CIZ1: variants seen among roughly 807,000 people sequenced by gnomAD.
CIZ1 encodes the protein cip1-interacting zinc finger protein.
CIZ1 carries 58 observed loss-of-function variants against 118.6 expected under a neutral mutation model. That is an observed-to-expected ratio of 0.49 (90% CI 0.40 to 0.61). The LOEUF (loss-of-function observed/expected upper bound fraction) is 0.61. Among genes scored for constraint, CIZ1 ranks in the 20% least tolerant of loss-of-function variants. The pLI, the probability that CIZ1 is intolerant of heterozygous loss-of-function variation, is 0.00. For missense variants in CIZ1, 921 were observed against 1,115.9 expected, an observed-to-expected ratio of 0.83 and a Z score of 2.49; for synonymous variants, 448 against 443.4, an observed-to-expected ratio of 1.01 and a Z score of -0.13.
chr9:128,190,548 G>T, intron 2 of CIZ1, 104 bp from the exon 3 acceptor site: 1 of 1,361,226 alleles, frequency 7.3e-7, no homozygotes, highest in South Asian at 1.3e-5. Flanking sequence ...GTGGTAGACA[G>T]AGGACCCCTT....
In CIZ1 at chr9:128,203,530, C is replaced by T. The variant is rs1833616874; in HGVS notation, c.-6+656G>A. 1.9e-6 allele frequency: 3 copies of T among 1,544,452 alleles called. No individual in the cohort carries two copies. Among genetic ancestry groups the T allele is most frequent in the Admixed American group, 3.9e-5 (2 of 51,416 alleles). ...TGGTCAACCGGCTGCAAGACGCCTT[C>T]TCTGCCATCGGCCAGAACGCGGACC... is the stretch of plus-strand genomic sequence containing the variant. On this transcript the variant is annotated intron_variant, in intron 1 of 17. Coordinates refer to the CIZ1 transcript ENST00000372948. This position sits in a 1 kb window ranked among gnomAD's most constrained non-coding sequence, Gnocchi z 5.3.
At chr9:128,189,311 G>A (rs1832837426) in intron 3 of CIZ1, among the ~76,000 whole-genome samples, 1 of 152,166 alleles carries the variant, frequency 6.6e-6, no homozygotes, top group African/African-American at 2.4e-5. Flanking sequence ...CCTGTGTATG[G>A]TTCTCTCTCT....
intron 5 of CIZ1, among the ~76,000 whole-genome samples, chr9:128,182,529 G>A (rs976910869): frequency 1.3e-5 from 2 of 152,100 alleles, no homozygotes; most frequent in African/African-American, 2.4e-5. Flanking sequence ...CCTGGTGCAC[G>A]CCTTACGCCA....
In CIZ1 at chr9:128,190,374, TGAG is replaced by T; in HGVS notation, c.238_240del (p.Leu80del). On this transcript the variant is annotated inframe_deletion, in exon 3 of 17. Transcript: ENST00000372938. Reference sequence around the variant, plus strand: ...AAAGCTCTCTGCAGCATGGAGCCGTTGAGGAGGGAGGCTGAGTTGGTGCCCTGG... The same window carrying T: ...AAAGCTCTCTGCAGCATGGAGCCGTTGAGGGAGGCTGAGTTGGTGCCCTGG... 1 of 1,613,938 alleles carries T rather than the reference TGAG, an allele frequency of 6.2e-7. No individual in the cohort carries two copies. Among genetic ancestry groups the T allele is most frequent in the Non-Finnish European group, 8.5e-7 (1 of 1,179,908 alleles).
At chr9:128,183,747 CTTTTGTTTG>C (rs1831996417) in intron 5 of CIZ1, among the ~76,000 whole-genome samples, 4 of 124,748 alleles carry the variant, frequency 3.2e-5, no homozygotes, top group South Asian at 5.8e-4. Flanking sequence ...GTTTCCTATA[CTTTTGTTTG>C]TTTGTTTGTT....
At chr9:128,181,711 A>G (rs565315184) in intron 5 of CIZ1, among the ~76,000 whole-genome samples, 48 of 150,642 alleles carry the variant, frequency 3.2e-4, no homozygotes, top group Admixed American at 2.2e-3. Context: ...ATGGTCCAGC[A>G]GTAGCAAAAG....
intron 5 of CIZ1, 59 bp downstream of exon 5, chr9:128,185,488 C>T (rs1832246591): frequency 8.7e-7 from 1 of 1,154,996 alleles, no homozygotes; most frequent in Non-Finnish European, 1.2e-6. Flanking sequence ...GAGCAGGTGG[C>T]ACTGGGGCTG....
At chr9:128,176,143 G>A (rs144237612) in intron 11 of CIZ1, among the ~76,000 whole-genome samples, 54 of 152,316 alleles carry the variant, frequency 3.5e-4, no homozygotes, top group African/African-American at 1.0e-3. Flanking sequence ...TTAAGAGAAT[G>A]TCATGAATTC....
intron 10 of CIZ1, among the ~76,000 whole-genome samples, chr9:128,176,960 A>G (rs1265829704): frequency 2.0e-5 from 3 of 152,116 alleles, no homozygotes; most frequent in African/African-American, 7.2e-5. Flanking sequence ...GCTGGAGCAC[A>G]GTGGCATGAT....
At chr9:128,187,362 GAAGCACAGGGGTTA>G (rs1832511623) in intron 4 of CIZ1, among the ~76,000 whole-genome samples, 1 of 152,240 alleles carries the variant, frequency 6.6e-6, no homozygotes, top group African/African-American at 2.4e-5. Flanking sequence ...GCTGGGATGG[GAAGCACAGGGGTTA>G]AAGGTTAAAG....
intron 11 of CIZ1, among the ~76,000 whole-genome samples, chr9:128,171,157 C>T (rs1364474532): frequency 6.6e-6 from 1 of 152,054 alleles, no homozygotes; most frequent in East Asian, 1.9e-4. Flanking sequence ...GGGGGCCAGT[C>T]GCAGTGGCTC....
Position 128,174,631 on chromosome 9 carries a change from G to T in CIZ1, c.1943+1720C>A, listed in dbSNP as rs773539643. Among the ~76,000 whole-genome samples, 17 of 152,082 alleles carry T rather than the reference G, an allele frequency of 1.1e-4. 1 individual carries two copies. The highest frequency in any genetic ancestry group is 2.7e-4 in the African/African-American group (11 of 41,396). Reference sequence around the variant, plus strand: ...TTGTGTTGGGGACCAAGGTGAGGGGGTCGTAGGTAGGGACTGGAGGGACTT... The same window carrying T: ...TTGTGTTGGGGACCAAGGTGAGGGGTTCGTAGGTAGGGACTGGAGGGACTT... On this transcript the variant is annotated intron_variant, in intron 11 of 16. Coordinates refer to ENST00000372938, the MANE Select transcript of CIZ1 (RefSeq NM_001131016.2).
intron 14 of CIZ1, chr9:128,167,481 C>A: frequency 3.2e-6 from 1 of 311,622 alleles, no homozygotes; most frequent in Non-Finnish European, 5.9e-6. Flanking sequence ...CATAACAGCC[C>A]TCTATGGCTA....
chr9:128,179,280 T>C lies in CIZ1; in HGVS notation c.927A>G (p.Pro309=). 1 of 1,614,176 alleles carries C rather than the reference T, an allele frequency of 6.2e-7. No homozygotes were observed. Among genetic ancestry groups the C allele is most frequent in the Non-Finnish European group, 8.5e-7 (1 of 1,180,042 alleles). Residue 309 remains proline, a synonymous_variant, in exon 8 of 17, where the codon CCA becomes CCG. Coordinates refer to ENST00000372938, the MANE Select transcript of CIZ1 (RefSeq NM_001131016.2). ...CCTGCAGGACCCGTGGCTGGAATCG[T>C]GGCAGCACTTGGGCTTCCAGGGCCT... ...LPEALEAQVL[P]RFQPRVLQVQ... is the part of the protein sequence containing the mutation.
chr9:128,183,406 T>C (rs1305129712), intron 5 of CIZ1, among the ~76,000 whole-genome samples: 3 of 152,218 alleles, frequency 2.0e-5, no homozygotes, highest in Non-Finnish European at 2.9e-5. Context: ...AGATCTGTGA[T>C]GACAGGCCCG....
In CIZ1 at chr9:128,191,549, C is replaced by T. The variant is rs1036795444; in HGVS notation, c.-123G>A. On this transcript the variant is annotated 5_prime_UTR_variant, in exon 1 of 17. Transcript: ENST00000372938. The surrounding 1 kb of genome is among the most constrained non-coding windows in gnomAD (Gnocchi z 5.5). The stretch of plus-strand genomic sequence containing the variant: ...CGGGCTCCCGGCCTCCCCGCTGCTA[C>T]TCCGGGGCCTGTGGGCTCGTAAGGC... 9.4e-7 allele frequency: 1 copy of T among 1,058,320 alleles called. No individual in the cohort carries two copies. Among genetic ancestry groups the T allele is most frequent in the Non-Finnish European group, 1.1e-6 (1 of 877,170 alleles). 65.6% of individuals were successfully genotyped at this position (1,058,320 alleles called of 1,614,324 possible).
chr9:128,186,151 A>G (rs45556641), intron 4 of CIZ1, among the ~76,000 whole-genome samples: 4 of 151,614 alleles, frequency 2.6e-5, no homozygotes, highest in African/African-American at 7.3e-5. Context: ...ACCCACCCCC[A>G]CCCCTACCAG....
At chr9:128,199,086 G>A (rs190785999) in intron 1 of CIZ1, among the ~76,000 whole-genome samples, 30 of 152,048 alleles carry the variant, frequency 2.0e-4, no homozygotes, top group Admixed American at 3.3e-4. Context: ...CTTCTTTCTC[G>A]GCTGGGCACG....
chr9:128,184,397 T>A (rs560335697), intron 5 of CIZ1, among the ~76,000 whole-genome samples: 1 of 152,318 alleles, frequency 6.6e-6, no homozygotes, highest in East Asian at 1.9e-4. Flanking sequence ...GTAATATTAA[T>A]TTAGCCCATT....
Sources: allele counts gnomAD v4.1 joint callset (sites outside exome capture counted in the v4.1 genomes callset), GRCh38; gene constraint gnomAD v4.1.1; non-coding constraint Gnocchi (gnomAD v3.1); transcripts MANE v1.5; gene names NCBI Gene and HGNC (gene_info 2026-07-23, HGNC 2026-07-21).